ITIH1: variants seen among roughly 807,000 people sequenced by gnomAD.
The protein encoded by ITIH1 is inter-alpha-trypsin inhibitor heavy chain 1, also known as inter-alpha-trypsin inhibitor heavy chain H1.
Under a neutral mutation model 104.6 loss-of-function variants are expected in ITIH1, and 94 were observed. That is an observed-to-expected ratio of 0.90 (90% CI 0.76 to 1.07). The LOEUF is 1.07. Among genes scored for constraint, ITIH1 ranks in the 50% least tolerant of loss-of-function variants. The probability of loss-of-function intolerance (pLI) is 0.00; values close to 1 mark genes in which losing one functional copy is unlikely to be tolerated. For synonymous variants in ITIH1, 455 were observed against 464.4 expected (o/e 0.98, Z 0.26); for missense variants, 1,193 against 1,181.4 (o/e 1.01, Z -0.14).
Position 52,780,363 on chromosome 3 carries a change from A to T in ITIH1, c.668A>T (p.Lys223Met). 6.2e-7 allele frequency: 1 copy of T among 1,613,816 alleles called. No individual in the cohort carries two copies. Residue 223 changes from lysine (K) to methionine (M), a missense_variant, in exon 6 of 22, where the codon AAG becomes ATG. Lys to Met is a moderately conservative substitution (Grantham distance 95). Coordinates refer to ENST00000273283, the MANE Select transcript of ITIH1 (RefSeq NM_002215.4). ...GAACTGGCAGCCCAAACTATCAAGA[A>T]GTCCTTCTCAGGAAAAAAGGTACAT... ...PKELAAQTIK[K>M]SFSGKKGHVL...
chr3:52,790,530 C>T, intron 19 of ITIH1: 2 of 520,626 alleles, frequency 3.8e-6, no homozygotes, highest in East Asian at 3.6e-5. Context: ...TTGAATGATG[C>T]AGTTTGCACA....
chr3:52,786,597 C>T (rs563459942), intron 13 of ITIH1, among the ~76,000 whole-genome samples, 163 bp downstream of exon 13: 25 of 152,204 alleles, frequency 1.6e-4, no homozygotes, highest in Non-Finnish European at 2.9e-4. Flanking sequence ...GTCAACAGTC[C>T]GGGCAGGCCC....
At chr3:52,784,993 A>T (rs753092527) in intron 11 of ITIH1, 51 bp from the exon 12 acceptor site, 1 of 1,581,642 alleles carries the variant, frequency 6.3e-7, no homozygotes, top group Non-Finnish European at 8.7e-7. Flanking sequence ...CAGGCTTCCC[A>T]TTAGGAGCCC....
intron 19 of ITIH1, 173 bp from the exon 20 acceptor site, chr3:52,790,576 C>A: frequency 3.1e-6 from 2 of 653,718 alleles, no homozygotes; most frequent in South Asian, 1.9e-5. Flanking sequence ...ATTGCAAGGG[C>A]CCCAAGCAAC....
rs759900843 is a variant in ITIH1, at chr3:52,779,568, C to G, written c.547C>G (p.Pro183Ala). ...MQYEIVIKVK[P>A]KQLVHHFEID... Reference sequence around the variant, plus strand: ...GTATGAAATTGTCATCAAAGTCAAGCCCAAGCAGCTGGTGCATCATTTTGA... The same window carrying G: ...GTATGAAATTGTCATCAAAGTCAAGGCCAAGCAGCTGGTGCATCATTTTGA... Residue 183 changes from proline (P) to alanine (A), a missense_variant, in exon 5 of 22, where the codon CCC becomes GCC. Physicochemically the swap from Pro to Ala is conservative, Grantham distance 27. Coordinates refer to ENST00000273283, the MANE Select transcript of ITIH1 (RefSeq NM_002215.4). This position sits in a 1 kb window ranked among gnomAD's most constrained non-coding sequence, Gnocchi z 4.4. 6.2e-7 allele frequency: 1 copy of G among 1,614,176 alleles called. No individual in the cohort carries two copies. Among genetic ancestry groups the G allele is most frequent in the Non-Finnish European group, 8.5e-7 (1 of 1,180,042 alleles).
rs138962464 is a variant in ITIH1, at chr3:52,789,755, A to G, written c.2222A>G (p.Asp741Gly). 9 of 1,614,214 alleles carry G rather than the reference A, an allele frequency of 5.6e-6. No homozygotes were observed. The Admixed American group carries it at 1.0e-4, about 18-fold the overall frequency. The change falls in exon 19 of 22, where the codon GAC (aspartate) becomes GGC (glycine). Residue 741 changes from aspartate to glycine, a missense_variant. Asp to Gly is a moderately conservative substitution (Grantham distance 94). Transcript: ENST00000273283. The part of the protein sequence containing the change: ...GRLGIANPAT[D>G]FQLEVTPQNI... ...CTGGGAATCGCAAACCCTGCCACGG[A>G]CTTTCAGTTGGAAGTGACTCCTCAG...
intron 15 of ITIH1, 151 bp downstream of exon 15, chr3:52,787,353 C>T: frequency 1.6e-6 from 2 of 1,220,146 alleles, no homozygotes; most frequent in Non-Finnish European, 2.4e-6. Context: ...CCCTTCTCCA[C>T]ATCACCGCGA....
chr3:52,781,202 TTTTTTTTTCTTCTTCTTCTTCTTCTTC>T (rs1559461123), intron 6 of ITIH1, among the ~76,000 whole-genome samples: 19 of 52,970 alleles, frequency 3.6e-4, no homozygotes, highest in African/African-American at 1.7e-3. Context: ...CTCTTCTTTT[TTTTTTTTTCTTCTTCTTCTTCTTCTTC>T]TTCTTCTTCT....
Position 52,779,953 on chromosome 3 carries a change from T to C in ITIH1, c.574-316T>C, listed in dbSNP as rs1698993785. The C allele has an allele frequency of 2.2e-6, 3 of 1,380,942 alleles. No individual in the cohort carries two copies. The highest frequency in any genetic ancestry group is 2.8e-6 in the Non-Finnish European group (3 of 1,067,432). 85.5% of individuals were successfully genotyped at this position (1,380,942 alleles called of 1,614,324 possible). A position where few individuals can be genotyped will look rare whatever the true frequency, so the allele number is the denominator to read the frequency against. ...TGCTGGCACCTAAGTGGTGGCTGAG[T>C]TGAGGGATGCAGGCATGTACACCTT... On this transcript the variant is annotated intron_variant, in intron 5 of 21. Coordinates refer to ENST00000273283, the MANE Select transcript of ITIH1 (RefSeq NM_002215.4). This position sits in a 1 kb window ranked among gnomAD's most constrained non-coding sequence, Gnocchi z 4.4.
rs375504966 is a variant in ITIH1 at position 52,788,562 on chromosome 3, C to CTTTTT, written c.2119+227_2119+231dup. On this transcript the variant is annotated intron_variant, in intron 18 of 21. Coordinates refer to ENST00000273283, the MANE Select transcript of ITIH1 (RefSeq NM_002215.4). ...TGTGACTGGGGTAGGCACACAGGGG[C>CTTTTT]TTTTTTTTTTTTTTCTGAGACAGAG... 7.8e-3 allele frequency among the ~76,000 whole-genome samples: 1,088 copies of CTTTTT among 139,614 alleles called. 17 individuals carry two copies. The highest frequency in any genetic ancestry group is 0.02 in the African/African-American group (780 of 38,138). 91.6% of individuals were successfully genotyped at this position (139,614 alleles called of 152,430 possible).
intron 6 of ITIH1, 125 bp downstream of exon 6, chr3:52,780,507 G>C: frequency 1.5e-6 from 1 of 649,026 alleles, no homozygotes; most frequent in East Asian, 2.8e-5. Context: ...CTCAGGATGA[G>C]AGAAGCTGGT....
At chr3:52,780,408 G>A (rs780042956) in intron 6 of ITIH1, 26 bp downstream of exon 6, 5 of 1,539,718 alleles carry the variant, frequency 3.2e-6, no homozygotes, top group Middle Eastern at 1.8e-4. Context: ...AGGGGGTGGT[G>A]GTGGGCCCTT....
rs1699255113 is a variant in ITIH1 at position 52,788,248 on chromosome 3, C to T, written c.2022C>T (p.His674=). Reference sequence around the variant, plus strand: ...TGCCCCCAGTGGACACAGACCCTCACTTCATCATCCACGTGCCCCAGAAAG... The same window carrying T: ...TGCCCCCAGTGGACACAGACCCTCATTTCATCATCCACGTGCCCCAGAAAG... ...DRVTGVDTDP[H]FIIHVPQKED... is the part of the protein sequence containing the mutation. Residue 674 remains histidine, a synonymous_variant, in exon 18 of 22, where the codon CAC becomes CAT. Transcript: ENST00000273283. 1.9e-6 allele frequency: 3 copies of T among 1,611,144 alleles called. No homozygotes were observed. The highest frequency in any genetic ancestry group is 2.5e-6 in the Non-Finnish European group (3 of 1,178,528).
At chr3:52,782,869 T>C in intron 8 of ITIH1, 88 bp from the exon 9 acceptor site, 1 of 1,295,754 alleles carries the variant, frequency 7.7e-7, no homozygotes, top group Non-Finnish European at 1.1e-6. Flanking sequence ...ACCCTGTGGA[T>C]CTCTGAAATG....
In ITIH1 at chr3:52,778,853, T is replaced by G. The variant is rs1482424121; in HGVS notation, c.306-89T>G. 4.4e-6 allele frequency: 5 copies of G among 1,142,888 alleles called. No homozygotes were observed. The African/African-American group carries it at 6.1e-5, about 14-fold the overall frequency. The allele number at this position is 1,142,888 out of a possible 1,614,324, so 70.8% of individuals were successfully genotyped here. ...GTGGAAGGCTCGTCAGGAGACGTCC[T>G]TATCCAAGGGCTCACATGGACAGGC... On this transcript the variant is annotated intron_variant, in intron 3 of 21. Transcript: ENST00000273283.
chr3:52,779,140 C>T lies in ITIH1; in HGVS notation c.410+94C>T. Reference sequence around the variant, plus strand: ...CAAGGTGGCTTTAGTGGAGAACAGCCCAGGATGATGGAAGGGTAAGCAAAC... The same window carrying T: ...CAAGGTGGCTTTAGTGGAGAACAGCTCAGGATGATGGAAGGGTAAGCAAAC... On this transcript the variant is annotated intron_variant, in intron 4 of 21. Transcript: ENST00000273283. The surrounding 1 kb of genome is among the most constrained non-coding windows in gnomAD (Gnocchi z 4.4). 1 of 917,518 alleles carries T rather than the reference C, an allele frequency of 1.1e-6. No individual in the cohort carries two copies. Among genetic ancestry groups the T allele is most frequent in the South Asian group, 1.3e-5 (1 of 74,740 alleles). The allele number at this position is 917,518 out of a possible 1,614,324, so 56.8% of individuals were successfully genotyped here. A position where few individuals can be genotyped will look rare whatever the true frequency, so the allele number is the denominator to read the frequency against.
intron 13 of ITIH1, 67 bp from the exon 14 acceptor site, chr3:52,786,878 A>G (rs1489310677): frequency 6.8e-7 from 1 of 1,475,886 alleles, no homozygotes; most frequent in East Asian, 2.3e-5. Flanking sequence ...GAATAAGTGA[A>G]TGGATAGGTG....
chr3:52,792,007 G>C lies in ITIH1; in HGVS notation c.*96G>C. 4 of 1,385,372 alleles carry C rather than the reference G, an allele frequency of 2.9e-6. No homozygotes were observed. Among genetic ancestry groups the C allele is most frequent in the Non-Finnish European group, 3.9e-6 (4 of 1,016,650 alleles). 85.8% of individuals were successfully genotyped at this position (1,385,372 alleles called of 1,614,324 possible). A position where few individuals can be genotyped will look rare whatever the true frequency, so the allele number is the denominator to read the frequency against. On this transcript the variant is annotated 3_prime_UTR_variant, in exon 22 of 22. Coordinates refer to ENST00000273283, the MANE Select transcript of ITIH1 (RefSeq NM_002215.4). ...GCTGAGGCTGTACCTCCTTGACTAAGCTGGTTCCTTGTGTCAAAGCACCTC... is the reference window on the plus strand; with the variant it reads ...GCTGAGGCTGTACCTCCTTGACTAACCTGGTTCCTTGTGTCAAAGCACCTC...
intron 10 of ITIH1, among the ~76,000 whole-genome samples, chr3:52,783,742 T>C (rs1046991158): frequency 2.6e-5 from 4 of 151,996 alleles, no homozygotes; most frequent in Non-Finnish European, 5.9e-5. Context: ...GGGAAGCAGA[T>C]CCAGGAGTAG....
Sources: gnomAD v4.1 joint callset for allele counts (sites outside exome capture counted in the v4.1 genomes callset) on GRCh38, gnomAD v4.1.1 for gene constraint, Gnocchi (gnomAD v3.1) non-coding constraint, MANE v1.5 for transcripts, NCBI Gene and HGNC (gene_info 2026-07-23, HGNC 2026-07-21) for gene names.